The following EPHA3 variants were observed in gnomAD, a reference collection of about 807,000 sequenced individuals.
EPHA3 encodes EPH receptor A3.
A neutral mutation model predicts 107.1 loss-of-function variants in EPHA3; 42 were observed. That is an observed-to-expected ratio of 0.39 (90% CI 0.31 to 0.51). The LOEUF (loss-of-function observed/expected upper bound fraction) is 0.51, where lower values mean the gene tolerates loss of function less well. Ranked by LOEUF, EPHA3 falls within the 20% of genes least tolerant of loss-of-function variation. The probability of loss-of-function intolerance (pLI) is 0.78; values close to 1 mark genes in which losing one functional copy is unlikely to be tolerated. For missense variants in EPHA3, 1,183 were observed against 1,211.2 expected (o/e 0.98, Z 0.35); for synonymous variants, 461 against 424.8 (o/e 1.09, Z -1.05).
intron 13 of EPHA3, among the ~76,000 whole-genome samples, chr3:89,436,223 C>A (rs1252648460): frequency 1.3e-5 from 2 of 152,064 alleles, no homozygotes; most frequent in African/African-American, 4.8e-5. Flanking sequence ...CAACCCAAAG[C>A]AATATACCCA....
At chr3:89,386,725 A>G (rs1708630495) in intron 5 of EPHA3, among the ~76,000 whole-genome samples, 1 of 152,204 alleles carries the variant, frequency 6.6e-6, no homozygotes, top group African/African-American at 2.4e-5. Context: ...TGGAAAAGCC[A>G]CAAACACTCA....
chr3:89,417,429 T>C (rs559826053), intron 10 of EPHA3, among the ~76,000 whole-genome samples: 88 of 151,616 alleles, frequency 5.8e-4, no homozygotes, highest in Non-Finnish European at 1.0e-3. Flanking sequence ...TGATGTATGA[T>C]AATGGCAGAA....
intron 9 of EPHA3, among the ~76,000 whole-genome samples, chr3:89,410,130 G>A (rs953815419): frequency 7.9e-5 from 12 of 151,906 alleles, no homozygotes; most frequent in African/African-American, 2.4e-4. Flanking sequence ...CTTCTACAGC[G>A]AACAGACCAT....
chr3:89,126,341 T>A (rs2106972264), intron 1 of EPHA3, among the ~76,000 whole-genome samples: 1 of 151,894 alleles, frequency 6.6e-6, no homozygotes, highest in African/African-American at 2.4e-5. Flanking sequence ...AAAGTGAACC[T>A]TTTGTTATTG....
chr3:89,203,761 A>G (rs578159653), intron 2 of EPHA3, among the ~76,000 whole-genome samples: 7 of 152,266 alleles, frequency 4.6e-5, no homozygotes, highest in Non-Finnish European at 8.8e-5. Flanking sequence ...TGGGCAACAG[A>G]GCGAGACTCT....
intron 11 of EPHA3, among the ~76,000 whole-genome samples, chr3:89,423,965 G>C (rs1420044911): frequency 6.6e-6 from 1 of 151,398 alleles, no homozygotes. Flanking sequence ...GAAGAAATAT[G>C]ATGAAGCACT....
chr3:89,284,348 T>C (rs1264272592), intron 3 of EPHA3, among the ~76,000 whole-genome samples: 11 of 152,196 alleles, frequency 7.2e-5, no homozygotes, highest in African/African-American at 2.4e-4. Flanking sequence ...TTTCTGGTGA[T>C]GAGACTGCGG....
chr3:89,342,159 G>A, intron 5 of EPHA3, 69 bp downstream of exon 5: 1 of 1,410,268 alleles, frequency 7.1e-7, no homozygotes, highest in Non-Finnish European at 9.5e-7. Flanking sequence ...ACTCTGGGTG[G>A]AAAACTGGGC....
intron 3 of EPHA3, among the ~76,000 whole-genome samples, chr3:89,229,463 A>G (rs1704576751): frequency 1.3e-5 from 2 of 151,780 alleles, no homozygotes; most frequent in South Asian, 4.1e-4. Flanking sequence ...TCTATCTTAA[A>G]TGGGAAAAAA....
At chr3:89,296,811 T>G (rs1177726239) in intron 3 of EPHA3, among the ~76,000 whole-genome samples, 1 of 152,228 alleles carries the variant, frequency 6.6e-6, no homozygotes, top group African/African-American at 2.4e-5. Flanking sequence ...ATTGAAAATT[T>G]CTTGTTACGT....
intron 5 of EPHA3, among the ~76,000 whole-genome samples, chr3:89,342,896 A>ACACACACACACAC (rs1559654817): frequency 3.8e-5 from 5 of 130,630 alleles, no homozygotes; most frequent in African/African-American, 1.6e-4. Context: ...CACACACACA[A>ACACACACACACAC]ACATTGGAGC....
intron 2 of EPHA3, among the ~76,000 whole-genome samples, chr3:89,130,809 G>T (rs561726438): frequency 7.2e-5 from 11 of 151,858 alleles, no homozygotes; most frequent in African/African-American, 2.4e-4. Flanking sequence ...TAATTTTTTT[G>T]TGTTTTTTAG....
intron 11 of EPHA3, among the ~76,000 whole-genome samples, chr3:89,422,053 T>C (rs532088113): frequency 6.6e-6 from 1 of 151,360 alleles, no homozygotes; most frequent in Admixed American, 6.6e-5. Context: ...ATCTCATATA[T>C]TGTAAATATA....
chr3:89,386,603 G>A (rs552439354), intron 5 of EPHA3, among the ~76,000 whole-genome samples: 1 of 152,234 alleles, frequency 6.6e-6, no homozygotes, highest in African/African-American at 2.4e-5. Flanking sequence ...CAGTGCAGTA[G>A]GGAAATGTGG....
intron 11 of EPHA3, among the ~76,000 whole-genome samples, chr3:89,423,478 C>A (rs1200579666): frequency 6.6e-6 from 1 of 151,304 alleles, no homozygotes; most frequent in Admixed American, 6.6e-5. Flanking sequence ...TTCATGTCAT[C>A]TTAAAAGACA....
intron 7 of EPHA3, 137 bp downstream of exon 7, chr3:89,399,617 G>T (rs1318997548): frequency 2.9e-6 from 4 of 1,398,766 alleles, no homozygotes; most frequent in Non-Finnish European, 3.7e-6. Context: ...ATTGCAATTT[G>T]CAGAGCCCTG....
chr3:89,423,941 A>G (rs1709403099), intron 11 of EPHA3, among the ~76,000 whole-genome samples: 1 of 151,390 alleles, frequency 6.6e-6, no homozygotes, highest in Admixed American at 6.6e-5. Flanking sequence ...TATACAGTAA[A>G]TCTCCTAGAG....
intron 2 of EPHA3, among the ~76,000 whole-genome samples, chr3:89,128,880 C>G (rs1295918289): frequency 2.6e-5 from 4 of 151,774 alleles, no homozygotes; most frequent in Non-Finnish European, 4.4e-5. Flanking sequence ...ATGAATTCCC[C>G]CATTGTTATT....
At chr3:89,191,536 G>A (rs1297213462) in intron 2 of EPHA3, among the ~76,000 whole-genome samples, 1 of 152,074 alleles carries the variant, frequency 6.6e-6, no homozygotes, top group African/African-American at 2.4e-5. Flanking sequence ...TACAGCCTGT[G>A]AGAAAAATAC....
Sources: allele counts gnomAD v4.1 joint callset (sites outside exome capture counted in the v4.1 genomes callset), GRCh38; gene constraint gnomAD v4.1.1; transcripts MANE v1.5; gene names NCBI Gene and HGNC (gene_info 2026-07-23, HGNC 2026-07-21).